The following PROZ variants were observed in gnomAD, a reference collection of about 807,000 sequenced individuals.
PROZ encodes the protein vitamin K-dependent protein Z.
In PROZ, 46 loss-of-function variants were observed where a neutral mutation model predicts 34.9. The ratio of observed to expected loss-of-function variants is 1.32; its 90% CI spans 1.04 to 1.69. PROZ has a LOEUF of 1.69. Among genes scored for constraint, PROZ ranks in the 40% most tolerant of loss-of-function variants. The pLI is 0.00. For synonymous variants in PROZ, 195 were observed against 208.5 expected (o/e 0.94, Z 0.56); for missense variants, 530 against 520.4 (o/e 1.02, Z -0.18).
At chr13:113,164,190 G>A (rs2036846273) in intron 4 of PROZ, among the ~76,000 whole-genome samples, 1 of 152,050 alleles carries the variant, frequency 6.6e-6, no homozygotes, top group Non-Finnish European at 1.5e-5. Context: ...ATGTTGGCCA[G>A]GCTGGTCTTG....
chr13:113,172,350 A>T lies in PROZ; in HGVS notation c.*245A>T, dbSNP rs1361690294. ...CTTAAAAGAAAACATGAGATACGTT[A>T]AATAATAAAATAAGATAATCTGTCA... On this transcript the variant is annotated 3_prime_UTR_variant, in exon 8 of 8. Coordinates refer to ENST00000375547, the MANE Select transcript of PROZ (RefSeq NM_003891.3). 1 of 543,604 alleles carries T rather than the reference A, an allele frequency of 1.8e-6. No individual in the cohort carries two copies. The highest frequency in any genetic ancestry group is 3.3e-5 in the East Asian group (1 of 30,218). The allele number at this position is 543,604 out of a possible 1,614,324, so 33.7% of individuals were successfully genotyped here.
At chr13:113,165,524 CATTT>C (rs1271265299) in intron 6 of PROZ, among the ~76,000 whole-genome samples, 2 of 152,122 alleles carry the variant, frequency 1.3e-5, no homozygotes, top group African/African-American at 4.8e-5. Flanking sequence ...GTTAACCATT[CATTT>C]GTTTTTGGTT....
Position 113,160,989 on chromosome 13 carries a change from G to T in PROZ, c.259+17G>T. On this transcript the variant is annotated intron_variant, in intron 3 of 7. Transcript: ENST00000375547. ...GATATAAGGGTAAGTGGTTTCCTTC[G>T]TCTCCTCAGAAGTATTAATTCCTCG... The T allele has an allele frequency of 6.2e-7, 1 of 1,603,072 alleles. No homozygotes were observed. The highest frequency in any genetic ancestry group is 1.3e-5 in the African/African-American group (1 of 74,770).
intron 7 of PROZ, among the ~76,000 whole-genome samples, chr13:113,170,754 G>A (rs1218027272): frequency 6.6e-6 from 1 of 151,998 alleles, no homozygotes; most frequent in Non-Finnish European, 1.5e-5. Flanking sequence ...CGGCAAGGGA[G>A]GAAATCACAG....
At position 113,159,976 on chromosome 13, in the gene PROZ, G is replaced by C. The variant is rs747400957; in HGVS notation, c.71-38G>C. On this transcript the variant is annotated intron_variant, in intron 1 of 7. Transcript: ENST00000375547. This position sits in a 1 kb window ranked among gnomAD's most constrained non-coding sequence, Gnocchi z 4.6. ...GGCAGCTCTGGAAAGCAGGGCCCTC[G>C]GTGCTCCCAGTCACCTGCCTTCTTG... is the stretch of plus-strand genomic sequence containing the variant. The C allele has an allele frequency of 3.7e-6, 6 of 1,611,872 alleles. No individual in the cohort carries two copies. The East Asian group carries it at 1.1e-4, about 30-fold the overall frequency.
chr13:113,171,963 G>A lies in PROZ; in HGVS notation c.1061G>A (p.Gly354Glu). 2 of 1,613,566 alleles carry A rather than the reference G, an allele frequency of 1.2e-6. No individual in the cohort carries two copies. The highest frequency in any genetic ancestry group is 1.1e-5 in the South Asian group (1 of 91,074). The change falls in exon 8 of 8, where the codon GGA (glycine) becomes GAA (glutamate). Residue 354 changes from glycine (G) to glutamate (E), a missense_variant. Transcript: ENST00000375547. The surrounding 1 kb of genome is among the most constrained non-coding windows in gnomAD (Gnocchi z 5.1). ...SSVAAMHWMD[G>E]SVVTREHRGS... ...GTGGCGGCCATGCACTGGATGGATG[G>A]AAGTGTGGTCACCAGAGAACACAGA...
chr13:113,161,490 G>C, intron 3 of PROZ, among the ~76,000 whole-genome samples: 1 of 152,150 alleles, frequency 6.6e-6, no homozygotes, highest in East Asian at 1.9e-4. Context: ...GACCCACCTG[G>C]GAATGAGTAA....
rs550808527 is a variant in PROZ at position 113,159,690 on chromosome 13, C to G, written c.71-324C>G. Among the ~76,000 whole-genome samples the G allele has an allele frequency of 6.6e-6, 1 of 152,210 alleles. No individual in the cohort carries two copies. Among genetic ancestry groups the G allele is most frequent in the Non-Finnish European group, 1.5e-5 (1 of 68,040 alleles). ...AGTTCTCAGTACGGGGACCTTTGAC[C>G]CCAGCTCAGCCTTCCTTCGCACTCA... On this transcript the variant is annotated intron_variant, in intron 1 of 7. Transcript: ENST00000375547. The surrounding 1 kb of genome is among the most constrained non-coding windows in gnomAD (Gnocchi z 4.6).
At chr13:113,165,198 T>A in intron 6 of PROZ, 78 bp downstream of exon 6, 1 of 1,458,686 alleles carries the variant, frequency 6.9e-7, no homozygotes, top group Non-Finnish European at 9.5e-7. Flanking sequence ...ATAGAAATGT[T>A]GACAACTAAG....
chr13:113,165,057 G>C lies in PROZ; in HGVS notation c.510G>C (p.Gln170His), dbSNP rs369206122. Reference protein sequence around the residue: ...EDHKQCVPHDQCACGVLTSEK... With the variant: ...EDHKQCVPHDHCACGVLTSEK... ...ATGTTGCTGCCGCAAATGCAGACCAGTGTGCCTGCGGGGTGCTGACCTCTG... is the reference window on the plus strand; with the variant it reads ...ATGTTGCTGCCGCAAATGCAGACCACTGTGCCTGCGGGGTGCTGACCTCTG... Residue 170 changes from glutamine (Q) to histidine (H), a missense_variant, in exon 6 of 8, where the codon CAG becomes CAC. By Grantham distance (24) the Gln-to-His change is conservative. Coordinates refer to ENST00000375547, the MANE Select transcript of PROZ (RefSeq NM_003891.3). 1.1e-4 allele frequency: 173 copies of C among 1,613,370 alleles called. No individual in the cohort carries two copies. The highest frequency in any genetic ancestry group is 1.4e-4 in the Non-Finnish European group (163 of 1,180,016).
chr13:113,159,928 GCGGC>G lies in PROZ; in HGVS notation c.71-78_71-75del. The G allele has an allele frequency of 1.3e-6, 2 of 1,531,472 alleles. No homozygotes were observed. Among genetic ancestry groups the G allele is most frequent in the South Asian group, 2.2e-5 (2 of 89,176 alleles). The allele number at this position is 1,531,472 out of a possible 1,614,324, so 94.9% of individuals were successfully genotyped here. A position where few individuals can be genotyped will look rare whatever the true frequency, so the allele number is the denominator to read the frequency against. The stretch of plus-strand genomic sequence containing the variant: ...GTGGAGACGGACGGGGCTGGGGCTG[GCGGC>G]CGGCCGGGGAGGAAGCCAGGCAGCT... On this transcript the variant is annotated intron_variant, in intron 1 of 7. Coordinates refer to ENST00000375547, the MANE Select transcript of PROZ (RefSeq NM_003891.3). The surrounding 1 kb of genome is among the most constrained non-coding windows in gnomAD (Gnocchi z 4.6).
rs924238729 is a variant in PROZ, at chr13:113,159,058, A to T, written c.70+328A>T. ...CCTGGGTTGGGCATTGGACGAGGGGAGGGGGTGGGGCAGGCTGAGCCCAGA... is the reference window on the plus strand; with the variant it reads ...CCTGGGTTGGGCATTGGACGAGGGGTGGGGGTGGGGCAGGCTGAGCCCAGA... On this transcript the variant is annotated intron_variant, in intron 1 of 7. Coordinates refer to ENST00000375547, the MANE Select transcript of PROZ (RefSeq NM_003891.3). The surrounding 1 kb of genome is among the most constrained non-coding windows in gnomAD (Gnocchi z 4.6). The T allele has an allele frequency of 3.4e-5, 9 of 260,890 alleles. No homozygotes were observed. The East Asian group carries it at 4.9e-4, about 14-fold the overall frequency. The allele number at this position is 260,890 out of a possible 1,614,324, so 16.2% of individuals were successfully genotyped here.
In PROZ at chr13:113,161,063, C is replaced by T. The variant is rs45487304; in HGVS notation, c.259+91C>T. ...AGGACGCTTCACGACCCCAGCTCAG[C>T]GGATGCCAAGCCTCTGGCTCCAGGA... On this transcript the variant is annotated intron_variant, in intron 3 of 7. Transcript: ENST00000375547. 4.7e-4 allele frequency: 545 copies of T among 1,157,156 alleles called. 2 individuals carry two copies. In the Middle Eastern group the frequency reaches 8.4e-3, roughly 18 times the overall value. 71.7% of individuals were successfully genotyped at this position (1,157,156 alleles called of 1,614,324 possible).
rs117488806 is a variant in PROZ, at chr13:113,159,251, C to T, written c.70+521C>T. On this transcript the variant is annotated intron_variant, in intron 1 of 7. Transcript: ENST00000375547. The surrounding 1 kb of genome is among the most constrained non-coding windows in gnomAD (Gnocchi z 4.6). Reference sequence around the variant, plus strand: ...TCCATTCTGACTCTGCCTGCACAGGCGTCCAGGAAAGCTGCAAGTCAAAAC... The same window carrying T: ...TCCATTCTGACTCTGCCTGCACAGGTGTCCAGGAAAGCTGCAAGTCAAAAC... 378 of 1,548,510 alleles carry T rather than the reference C, an allele frequency of 2.4e-4. No homozygotes were observed. The highest frequency in any genetic ancestry group is 2.9e-4 in the Non-Finnish European group (334 of 1,144,874).
At chr13:113,161,062 G>A in intron 3 of PROZ, 90 bp downstream of exon 3, 2 of 1,177,106 alleles carry the variant, frequency 1.7e-6, no homozygotes, top group South Asian at 1.2e-5. Context: ...CCCCAGCTCA[G>A]CGGATGCCAA....
In PROZ at chr13:113,171,974, A is replaced by G; in HGVS notation, c.1072A>G (p.Thr358Ala). Reference protein sequence around the residue: ...AMHWMDGSVVTREHRGSWFLT... With the variant: ...AMHWMDGSVVAREHRGSWFLT... ...GCACTGGATGGATGGAAGTGTGGTC[A>G]CCAGAGAACACAGAGGCTCCTGGTT... The change falls in exon 8 of 8, where the codon ACC (threonine) becomes GCC (alanine). Residue 358 changes from threonine (T) to alanine (A), a missense_variant. Coordinates refer to ENST00000375547, the MANE Select transcript of PROZ (RefSeq NM_003891.3). The surrounding 1 kb of genome is among the most constrained non-coding windows in gnomAD (Gnocchi z 5.1). 1 of 1,613,476 alleles carries G rather than the reference A, an allele frequency of 6.2e-7. No individual in the cohort carries two copies. Among genetic ancestry groups the G allele is most frequent in the Non-Finnish European group, 8.5e-7 (1 of 1,180,030 alleles).
rs1415485962 is a variant in PROZ, at chr13:113,160,056, G to A, written c.113G>A (p.Trp38Ter). ...ASKANDVLVR[W>*]KRAGSYLLEE... ...AAAGCAAACGACGTTCTGGTGAGGTGGAAGCGTGCGGGCTCCTATCTTCTG... is the reference window on the plus strand; with the variant it reads ...AAAGCAAACGACGTTCTGGTGAGGTAGAAGCGTGCGGGCTCCTATCTTCTG... The change falls in exon 2 of 8, where the codon TGG becomes TAG. Residue 38 changes from tryptophan (W) to a stop codon, truncating the protein, a stop_gained. Coordinates refer to ENST00000375547, the MANE Select transcript of PROZ (RefSeq NM_003891.3). LOFTEE classifies it high-confidence loss of function. 1.9e-6 allele frequency: 3 copies of A among 1,614,066 alleles called. No individual in the cohort carries two copies. Among genetic ancestry groups the A allele is most frequent in the Admixed American group, 3.3e-5 (2 of 60,016 alleles).
chr13:113,172,034 G>A lies in PROZ; in HGVS notation c.1132G>A (p.Gly378Arg), dbSNP rs1252850343. 3.1e-6 allele frequency: 5 copies of A among 1,613,032 alleles called. No homozygotes were observed. The South Asian group carries it at 5.5e-5, about 18-fold the overall frequency. Residue 378 changes from glycine (G) to arginine (R), a missense_variant, in exon 8 of 8, where the codon GGG becomes AGG. By Grantham distance (125) the Gly-to-Arg change is moderately radical. Transcript: ENST00000375547. ...GGTCCTGGGCTCGCAGCCAGTAGGA[G>A]GGCAGGCTCACATGGTCCTTGTCAC... ...TGVLGSQPVG[G>R]QAHMVLVTKV... is the part of the protein sequence containing the mutation.
rs754615587 is a variant in PROZ at position 113,159,169 on chromosome 13, C to T, written c.70+439C>T. Reference sequence around the variant, plus strand: ...GGAGACATAGCCAGGGAGCAGCCACCCTGCCTGCCTGCCACCCTTCTACCA... The same window carrying T: ...GGAGACATAGCCAGGGAGCAGCCACTCTGCCTGCCTGCCACCCTTCTACCA... On this transcript the variant is annotated intron_variant, in intron 1 of 7. Transcript: ENST00000375547. This position sits in a 1 kb window ranked among gnomAD's most constrained non-coding sequence, Gnocchi z 4.6. The T allele has an allele frequency of 8.2e-6, 12 of 1,458,382 alleles. No homozygotes were observed. In the South Asian group the frequency reaches 1.2e-4, roughly 15 times the overall value. 90.3% of individuals were successfully genotyped at this position (1,458,382 alleles called of 1,614,324 possible).
Sources: allele counts gnomAD v4.1 joint callset (sites outside exome capture counted in the v4.1 genomes callset), GRCh38; gene constraint gnomAD v4.1.1; non-coding constraint Gnocchi (gnomAD v3.1); transcripts MANE v1.5; gene names NCBI Gene and HGNC (gene_info 2026-07-23, HGNC 2026-07-21).